Variants in BTBD9 observed in about 807,000 individuals in gnomAD.
The protein encoded by BTBD9 is BTB domain containing 9.
Under a neutral mutation model 64.3 loss-of-function variants are expected in BTBD9, and 49 were observed. The ratio of observed to expected loss-of-function variants is 0.76; its 90% CI spans 0.61 to 0.97. BTBD9 has a LOEUF of 0.97. BTBD9 is among the 50% of genes least tolerant of loss of function. The pLI is 0.00. For missense variants in BTBD9, 598 were observed against 762.1 expected (o/e 0.78, Z 2.53); for synonymous variants, 260 against 274.7 (o/e 0.95, Z 0.53).
intron 6 of BTBD9, among the ~76,000 whole-genome samples, chr6:38,510,128 C>T (rs1382002552): frequency 6.6e-6 from 1 of 152,212 alleles, no homozygotes; most frequent in Non-Finnish European, 1.5e-5. Flanking sequence ...TACTGTCATG[C>T]TTAACAACTG....
At chr6:38,504,845 A>C (rs1360487457) in intron 6 of BTBD9, among the ~76,000 whole-genome samples, 1 of 152,202 alleles carries the variant, frequency 6.6e-6, no homozygotes, top group Non-Finnish European at 1.5e-5. Flanking sequence ...ACCATCATAC[A>C]GCCTTCAAAA....
chr6:38,497,566 G>A (rs1404964613), intron 6 of BTBD9, among the ~76,000 whole-genome samples: 1 of 152,038 alleles, frequency 6.6e-6, no homozygotes, highest in Non-Finnish European at 1.5e-5. Context: ...TTCATGATAT[G>A]GAAAGAAAGA....
At chr6:38,243,602 G>A (rs1387710438) in intron 9 of BTBD9, among the ~76,000 whole-genome samples, 1 of 152,196 alleles carries the variant, frequency 6.6e-6, no homozygotes, top group Admixed American at 6.5e-5. Flanking sequence ...TATAGCACCT[G>A]AATGACTGTG....
intron 9 of BTBD9, among the ~76,000 whole-genome samples, chr6:38,232,416 G>A (rs1421196819): frequency 2.6e-5 from 4 of 151,910 alleles, no homozygotes; most frequent in Admixed American, 6.6e-5. Context: ...GACTATAGGC[G>A]GCTGCCACCA....
At chr6:38,199,391 C>T (rs1287373580) in intron 9 of BTBD9, among the ~76,000 whole-genome samples, 1 of 152,184 alleles carries the variant, frequency 6.6e-6, no homozygotes, top group Non-Finnish European at 1.5e-5. Context: ...GACCTTCCCT[C>T]TCTCTGTCCC....
chr6:38,251,016 A>G (rs1764375470), intron 9 of BTBD9, among the ~76,000 whole-genome samples: 1 of 151,884 alleles, frequency 6.6e-6, no homozygotes, highest in Non-Finnish European at 1.5e-5. Flanking sequence ...CAGGAGGCAC[A>G]GGTTGCAGTG....
chr6:38,370,887 T>C (rs965490046), intron 6 of BTBD9, among the ~76,000 whole-genome samples: 2 of 152,154 alleles, frequency 1.3e-5, no homozygotes, highest in Non-Finnish European at 2.9e-5. Flanking sequence ...GGGCCTGGTG[T>C]GGGACATTTT....
intron 6 of BTBD9, among the ~76,000 whole-genome samples, chr6:38,434,465 G>A (rs1280880410): frequency 4.6e-5 from 7 of 151,886 alleles, no homozygotes. Flanking sequence ...CCCGCTTTGA[G>A]TTGTCCCACC....
chr6:38,521,721 C>A (rs1773278467), intron 6 of BTBD9, among the ~76,000 whole-genome samples: 2 of 152,156 alleles, frequency 1.3e-5, no homozygotes, highest in African/African-American at 4.8e-5. Context: ...GTCACCCAGG[C>A]TGGAGTGCAA....
intron 6 of BTBD9, among the ~76,000 whole-genome samples, chr6:38,351,194 G>C (rs1013667135): frequency 6.6e-6 from 1 of 152,222 alleles, no homozygotes; most frequent in African/African-American, 2.4e-5. Context: ...CTTCAGCAAA[G>C]GGGCCAAGCA....
intron 6 of BTBD9, among the ~76,000 whole-genome samples, chr6:38,421,271 A>T (rs985490419): frequency 6.6e-6 from 1 of 152,120 alleles, no homozygotes; most frequent in African/African-American, 2.4e-5. Flanking sequence ...CACGAGAATC[A>T]CTTCAACCCA....
intron 6 of BTBD9, among the ~76,000 whole-genome samples, chr6:38,438,206 AGGAGGGAGGGAGGGAG>A (rs748681270): frequency 0.029 from 2,853 of 98,386 alleles, 191 homozygotes; most frequent in African/African-American, 0.1. Flanking sequence ...GAGGAAAGGA[AGGAGGGAGGGAGGGAG>A]GGAGGGAGGG....
chr6:38,540,309 C>T (rs1204459273), intron 6 of BTBD9, among the ~76,000 whole-genome samples: 3 of 142,180 alleles, frequency 2.1e-5, no homozygotes, highest in Admixed American at 1.4e-4. Context: ...ATAACACACA[C>T]GGTGGAGGTA....
intron 7 of BTBD9, among the ~76,000 whole-genome samples, chr6:38,301,031 C>CCCA (rs1762379214): frequency 6.6e-6 from 1 of 152,108 alleles, no homozygotes; most frequent in Non-Finnish European, 1.5e-5. Context: ...TGAGATACGT[C>CCCA]CCATCGATAC....
At chr6:38,236,532 G>T (rs2127521094) in intron 9 of BTBD9, among the ~76,000 whole-genome samples, 1 of 152,298 alleles carries the variant, frequency 6.6e-6, no homozygotes, top group East Asian at 1.9e-4. Context: ...ACACACGCAG[G>T]TCTGTAATGG....
intron 6 of BTBD9, among the ~76,000 whole-genome samples, chr6:38,375,471 A>G (rs1357231066): frequency 1.3e-5 from 2 of 152,240 alleles, no homozygotes; most frequent in Non-Finnish European, 2.9e-5. Context: ...CATTGCATCC[A>G]TTAACTACAG....
chr6:38,201,497 G>A (rs1456675675), intron 9 of BTBD9, among the ~76,000 whole-genome samples: 2 of 152,084 alleles, frequency 1.3e-5, no homozygotes, highest in East Asian at 3.9e-4. Flanking sequence ...TACTGAATGG[G>A]GAAAAGTTGA....
chr6:38,576,367 G>A (rs1776033365), intron 6 of BTBD9, among the ~76,000 whole-genome samples: 1 of 152,128 alleles, frequency 6.6e-6, no homozygotes, highest in Non-Finnish European at 1.5e-5. Context: ...ACTTTAGTCT[G>A]TCTTTGGGGA....
intron 6 of BTBD9, among the ~76,000 whole-genome samples, chr6:38,436,882 T>C (rs1228385824): frequency 6.6e-6 from 1 of 152,184 alleles, no homozygotes; most frequent in East Asian, 1.9e-4. Flanking sequence ...AAACAGGAAG[T>C]GCTATAAATT....
Sources: allele counts gnomAD v4.1 joint callset (sites outside exome capture counted in the v4.1 genomes callset), GRCh38; gene constraint gnomAD v4.1.1; transcripts MANE v1.5; gene names NCBI Gene and HGNC (gene_info 2026-07-23, HGNC 2026-07-21).